HDAC9: variants seen among roughly 807,000 people sequenced by gnomAD.
HDAC9 encodes histone deacetylase 9.
A neutral mutation model predicts 139.4 loss-of-function variants in HDAC9; 41 were observed. That is an observed-to-expected ratio of 0.29 (90% confidence interval 0.23 to 0.38). The LOEUF is 0.38. Among genes scored for constraint, HDAC9 ranks in the 10% least tolerant of loss-of-function variants. The pLI is 1.00. For missense variants in HDAC9, 1,147 were observed against 1,297.0 expected (o/e 0.88, Z 1.78); for synonymous variants, 517 against 476.2 (o/e 1.09, Z -1.12).
intron 1 of HDAC9, among the ~76,000 whole-genome samples, chr7:18,323,265 C>T (rs551718969): frequency 6.6e-6 from 1 of 152,180 alleles, no homozygotes; most frequent in South Asian, 2.1e-4. Context: ...AGACCCACGA[C>T]TATTTCTCAC....
At chr7:18,238,062 A>G (rs1793944053) in intron 2 of HDAC9, among the ~76,000 whole-genome samples, 2 of 152,182 alleles carry the variant, frequency 1.3e-5, no homozygotes, top group South Asian at 2.1e-4. Context: ...CAGTGAACCA[A>G]TTAGAACAGT....
intron 1 of HDAC9, among the ~76,000 whole-genome samples, chr7:18,300,814 G>A (rs1798489445): frequency 6.6e-6 from 1 of 152,058 alleles, no homozygotes; most frequent in Non-Finnish European, 1.5e-5. Flanking sequence ...AGATGATTTT[G>A]TATATGTAAT....
chr7:18,286,718 G>T (rs1797477551), upstream of HDAC9, among the ~76,000 whole-genome samples: 1 of 151,994 alleles, frequency 6.6e-6, no homozygotes, highest in African/African-American at 2.4e-5. Context: ...ATTCCATCAT[G>T]ACTCATCTTC....
chr7:18,412,672 T>C (rs151228441), intron 1 of HDAC9, among the ~76,000 whole-genome samples: 6 of 152,296 alleles, frequency 3.9e-5, no homozygotes, highest in African/African-American at 1.4e-4. Context: ...ATCTCTTTAT[T>C]ACATGGCAGA....
intron 22 of HDAC9, among the ~76,000 whole-genome samples, chr7:18,901,589 T>C (rs909420355): frequency 1.3e-5 from 2 of 152,048 alleles, no homozygotes; most frequent in Admixed American, 1.3e-4. Context: ...TTATGGAGAG[T>C]GACCAAATTA....
At chr7:18,867,721 C>T (rs182718864) in intron 21 of HDAC9, among the ~76,000 whole-genome samples, 12 of 152,072 alleles carry the variant, frequency 7.9e-5, no homozygotes, top group Admixed American at 5.2e-4. Flanking sequence ...TTTTTAGTTC[C>T]GAAAAATTAT....
At chr7:18,242,408 T>A (rs1794247220) in intron 2 of HDAC9, among the ~76,000 whole-genome samples, 1 of 152,188 alleles carries the variant, frequency 6.6e-6, no homozygotes, top group Non-Finnish European at 1.5e-5. Context: ...CTGAGAAAAA[T>A]GACTGGATAA....
intron 23 of HDAC9, among the ~76,000 whole-genome samples, chr7:18,945,904 G>T (rs1442383350): frequency 2.0e-5 from 3 of 151,560 alleles, no homozygotes; most frequent in Non-Finnish European, 4.4e-5. Context: ...GGGCGTGGTG[G>T]TGCGCACCTG....
chr7:18,496,605 G>T (rs752801876), intron 2 of HDAC9: 2 of 413,020 alleles, frequency 4.8e-6, no homozygotes, highest in Non-Finnish European at 8.7e-6. Flanking sequence ...GGGGTGTTTT[G>T]CCTTTACTAT....
intron 7 of HDAC9, among the ~76,000 whole-genome samples, chr7:18,633,264 G>T (rs1782885708): frequency 6.6e-6 from 1 of 152,068 alleles, no homozygotes; most frequent in African/African-American, 2.4e-5. Context: ...GGAAAGGAAT[G>T]TTTTCTCTGA....
intron 25 of HDAC9, among the ~76,000 whole-genome samples, chr7:18,995,774 T>C (rs1786415816): frequency 6.6e-6 from 1 of 152,230 alleles, no homozygotes; most frequent in African/African-American, 2.4e-5. Context: ...TTTTGGAATC[T>C]AGAGTTATAA....
At chr7:18,507,807 G>C (rs1389200462) in intron 2 of HDAC9, among the ~76,000 whole-genome samples, 1 of 152,030 alleles carries the variant, frequency 6.6e-6, no homozygotes, top group Non-Finnish European at 1.5e-5. Context: ...CTGACCATTA[G>C]GAATTTCCAA....
chr7:18,828,433 G>A (rs1041556249), intron 17 of HDAC9, among the ~76,000 whole-genome samples: 19 of 152,166 alleles, frequency 1.2e-4, no homozygotes, highest in African/African-American at 4.6e-4. Context: ...TTTCCGTGAT[G>A]CATTCCAACT....
chr7:18,928,267 C>T (rs1228033719), intron 22 of HDAC9, among the ~76,000 whole-genome samples: 1 of 152,152 alleles, frequency 6.6e-6, no homozygotes, highest in African/African-American at 2.4e-5. Context: ...GGGAGAATCT[C>T]TCATTTCTCT....
At chr7:18,439,653 T>C (rs1791558630) in intron 1 of HDAC9, among the ~76,000 whole-genome samples, 1 of 152,192 alleles carries the variant, frequency 6.6e-6, no homozygotes, top group Non-Finnish European at 1.5e-5. Context: ...TATTTGTAGT[T>C]TGAGAAATCA....
intron 2 of HDAC9, among the ~76,000 whole-genome samples, chr7:18,277,984 G>T (rs935077960): frequency 4.0e-4 from 61 of 152,242 alleles, no homozygotes; most frequent in African/African-American, 1.4e-3. Context: ...CTATGTCATT[G>T]CACTTGCTTC....
chr7:18,341,046 C>A (rs549612973), intron 1 of HDAC9, among the ~76,000 whole-genome samples: 1 of 151,220 alleles, frequency 6.6e-6, no homozygotes, highest in African/African-American at 2.4e-5. Flanking sequence ...CCACTATCTT[C>A]TTGGTTACAA....
chr7:18,450,827 G>A (rs1223821401), intron 1 of HDAC9, among the ~76,000 whole-genome samples: 4 of 152,022 alleles, frequency 2.6e-5, no homozygotes, highest in Admixed American at 2.6e-4. Flanking sequence ...AGAAGGAAAG[G>A]AGTGTTTGTT....
chr7:18,986,650 A>G (rs1016202530), intron 25 of HDAC9, among the ~76,000 whole-genome samples: 3 of 151,658 alleles, frequency 2.0e-5, no homozygotes, highest in African/African-American at 7.3e-5. Context: ...GAATCTGTAA[A>G]TTACCTTGGG....
Sources: gnomAD v4.1 joint callset for allele counts (sites outside exome capture counted in the v4.1 genomes callset) on GRCh38, gnomAD v4.1.1 for gene constraint, MANE v1.5 for transcripts, NCBI Gene and HGNC (gene_info 2026-07-23, HGNC 2026-07-21) for gene names.